The following NHEJ1 variants were observed in gnomAD, a reference collection of about 807,000 sequenced individuals.
NHEJ1 encodes non-homologous end-joining factor 1.
In NHEJ1, 22 loss-of-function variants were observed where a neutral mutation model predicts 39.4. The ratio of observed to expected loss-of-function variants is 0.56; its 90% CI spans 0.40 to 0.80. NHEJ1 has a LOEUF of 0.80. Among genes scored for constraint, NHEJ1 ranks in the 30% least tolerant of loss-of-function variants. NHEJ1 has a pLI of 0.00. For synonymous variants in NHEJ1, 154 were observed against 135.6 expected, an observed-to-expected ratio of 1.14 and a Z score of -0.94; for missense variants, 329 against 357.1, an observed-to-expected ratio of 0.92 and a Z score of 0.63.
intron 5 of NHEJ1, among the ~76,000 whole-genome samples, chr2:219,084,705 A>G (rs986521428): frequency 6.6e-6 from 1 of 152,206 alleles, no homozygotes; most frequent in East Asian, 1.9e-4. Context: ...ATGATATGTT[A>G]AAGGGTGCCT....
At chr2:219,102,854 A>C (rs1183565057) in intron 5 of NHEJ1, 1 of 150,968 alleles carries the variant, frequency 6.6e-6, no homozygotes, top group African/African-American at 2.5e-5. Context: ...AAATACAAAA[A>C]ATTAGCCGGG....
intron 4 of NHEJ1, 99 bp downstream of exon 4, chr2:219,147,558 G>C: frequency 6.9e-7 from 1 of 1,447,924 alleles, no homozygotes; most frequent in South Asian, 1.2e-5. Context: ...CCATCCTGGG[G>C]GAGGCACTTC....
intron 5 of NHEJ1, among the ~76,000 whole-genome samples, chr2:219,106,241 C>T (rs1201492784): frequency 6.6e-6 from 1 of 152,108 alleles, no homozygotes; most frequent in Non-Finnish European, 1.5e-5. Context: ...TGTCAGGCAC[C>T]CTGGCACCAA....
At chr2:219,101,263 TACC>T (rs1017480462) in intron 5 of NHEJ1, among the ~76,000 whole-genome samples, 7 of 152,216 alleles carry the variant, frequency 4.6e-5, no homozygotes, top group Admixed American at 2.6e-4. Flanking sequence ...TACAGGCGCG[TACC>T]ACCACATCTA....
At chr2:219,110,987 G>C (rs1004384751) in intron 5 of NHEJ1, among the ~76,000 whole-genome samples, 2 of 152,120 alleles carry the variant, frequency 1.3e-5, no homozygotes, top group Admixed American at 1.3e-4. Context: ...TTGGTGAAAA[G>C]GGACATGGGT....
At chr2:219,145,199 A>G (rs1299459915) in intron 5 of NHEJ1, among the ~76,000 whole-genome samples, 1 of 151,726 alleles carries the variant, frequency 6.6e-6, no homozygotes. Flanking sequence ...TGGGTGACAG[A>G]GCAAGTGAGG....
chr2:219,129,578 T>G (rs990705825), intron 5 of NHEJ1, among the ~76,000 whole-genome samples: 1 of 152,206 alleles, frequency 6.6e-6, no homozygotes. Context: ...GAAGACTAAT[T>G]TGTCCTGTAA....
At chr2:219,155,025 T>A in intron 3 of NHEJ1, among the ~76,000 whole-genome samples, 1 of 149,842 alleles carries the variant, frequency 6.7e-6, no homozygotes, top group South Asian at 2.1e-4. Flanking sequence ...AATTGTAATA[T>A]CATTATATTA....
intron 5 of NHEJ1, among the ~76,000 whole-genome samples, chr2:219,139,979 T>C (rs1414326181): frequency 6.6e-6 from 1 of 152,206 alleles, no homozygotes; most frequent in Admixed American, 6.5e-5. Flanking sequence ...GCACCCAGCC[T>C]GTTATTTTAA....
intron 3 of NHEJ1, among the ~76,000 whole-genome samples, chr2:219,157,188 G>A (rs992487493): frequency 6.6e-6 from 1 of 152,048 alleles, no homozygotes; most frequent in East Asian, 1.9e-4. Flanking sequence ...TCCAGGAAGA[G>A]GCTATATTGT....
At chr2:219,140,453 A>C (rs1182674904) in intron 5 of NHEJ1, among the ~76,000 whole-genome samples, 1 of 152,234 alleles carries the variant, frequency 6.6e-6, no homozygotes, top group Non-Finnish European at 1.5e-5. Context: ...TTTTGCCATA[A>C]TGCAGGTAGG....
chr2:219,119,262 T>C (rs1949448031), intron 5 of NHEJ1, among the ~76,000 whole-genome samples: 1 of 152,002 alleles, frequency 6.6e-6, no homozygotes, highest in African/African-American at 2.4e-5. Context: ...CAGAAACAAA[T>C]TCACAGAAAA....
At chr2:219,115,408 G>A (rs913698688) in intron 5 of NHEJ1, among the ~76,000 whole-genome samples, 1 of 152,188 alleles carries the variant, frequency 6.6e-6, no homozygotes, top group Non-Finnish European at 1.5e-5. Flanking sequence ...GATGATTAGA[G>A]GGATAATTTA....
At chr2:219,077,997 T>A in intron 6 of NHEJ1, 92 bp downstream of exon 6, 1 of 888,470 alleles carries the variant, frequency 1.1e-6, no homozygotes, top group Non-Finnish European at 1.9e-6. Context: ...ACTTAAATAG[T>A]TATATGTGGC....
intron 5 of NHEJ1, among the ~76,000 whole-genome samples, chr2:219,100,609 T>TAAA (rs58295341): frequency 2.5e-5 from 3 of 121,460 alleles, no homozygotes; most frequent in East Asian, 4.6e-4. Context: ...AGACTGTCTT[T>TAAA]AAAAAAAAAA....
intron 5 of NHEJ1, among the ~76,000 whole-genome samples, chr2:219,125,063 G>A (rs550394323): frequency 1.3e-5 from 2 of 151,536 alleles, no homozygotes; most frequent in Non-Finnish European, 2.9e-5. Context: ...CTTCTCAAAG[G>A]CAAACACAAT....
chr2:219,098,437 A>C (rs1328618012), intron 5 of NHEJ1, among the ~76,000 whole-genome samples: 1 of 152,254 alleles, frequency 6.6e-6, no homozygotes, highest in Non-Finnish European at 1.5e-5. Flanking sequence ...GATAGAATCT[A>C]ATGCACAAAT....
At chr2:219,113,008 G>A (rs1949379707) in intron 5 of NHEJ1, among the ~76,000 whole-genome samples, 1 of 151,954 alleles carries the variant, frequency 6.6e-6, no homozygotes, top group Non-Finnish European at 1.5e-5. Context: ...GCCTTTATGT[G>A]GTATATTGTT....
intron 5 of NHEJ1, among the ~76,000 whole-genome samples, chr2:219,137,570 C>CAAAAAAAAAAAAAAAAAAAA (rs58279021): frequency 1.7e-4 from 6 of 34,726 alleles, no homozygotes; most frequent in East Asian, 8.5e-4. Context: ...GTGTTACAGG[C>CAAAAAAAAAAAAAAAAAAAA]AAAAAAAAAA....
Sources: gnomAD v4.1 joint callset for allele counts (sites outside exome capture counted in the v4.1 genomes callset) on GRCh38, gnomAD v4.1.1 for gene constraint, MANE v1.5 for transcripts, NCBI Gene and HGNC (gene_info 2026-07-23, HGNC 2026-07-21) for gene names.